ABRAXAS1: variants seen among roughly 807,000 people sequenced by gnomAD.
The protein encoded by ABRAXAS1 is abraxas 1, BRCA1 A complex subunit, also known as BRCA1-A complex subunit Abraxas 1.
Under a neutral mutation model 38.4 loss-of-function variants are expected in ABRAXAS1, and 26 were observed. The observed-to-expected ratio is 0.68, with a 90% CI of 0.50 to 0.94. The LOEUF is 0.94. Ranked by LOEUF, ABRAXAS1 falls within the 40% of genes least tolerant of loss-of-function variation. ABRAXAS1 has a pLI of 0.00. For synonymous variants in ABRAXAS1, 144 were observed against 165.5 expected (o/e 0.87, Z 1.00); for missense variants, 438 against 481.9 (o/e 0.91, Z 0.85).
chr4:83,463,701 T>C, intron 7 of ABRAXAS1, 93 bp from the exon 8 acceptor site: 1 of 598,026 alleles, frequency 1.7e-6, no homozygotes, highest in Non-Finnish European at 2.7e-6. Context: ...TCATTGGTGG[T>C]ATATAATACC....
At chr4:83,471,222 TTGAG>T (rs1722580403) in intron 4 of ABRAXAS1, among the ~76,000 whole-genome samples, 2 of 98,552 alleles carry the variant, frequency 2.0e-5, no homozygotes, top group African/African-American at 1.0e-4. Context: ...TTTTTTTTTT[TTGAG>T]ACAGTCTGGC....
intron 7 of ABRAXAS1, among the ~76,000 whole-genome samples, chr4:83,465,296 T>C (rs1722306456): frequency 2.0e-5 from 1 of 49,364 alleles, no homozygotes; most frequent in South Asian, 1.1e-3. Flanking sequence ...TGAGACTCTG[T>C]CTCAAAAAAA....
chr4:83,461,258 C>T lies in ABRAXAS1; in HGVS notation c.*1211G>A. 2.1e-6 allele frequency: 3 copies of T among 1,414,838 alleles called. No individual in the cohort carries two copies. The highest frequency in any genetic ancestry group is 2.3e-5 in the South Asian group (2 of 86,204). The allele number at this position is 1,414,838 out of a possible 1,614,324, so 87.6% of individuals were successfully genotyped here. ...AGTAAGTGGTTGTATGATGCCAATA[C>T]TGACTCAAACCAACCTTTGGATAGA... is the stretch of plus-strand genomic sequence containing the variant. On this transcript the variant is annotated 3_prime_UTR_variant, in exon 9 of 9. Transcript: ENST00000321945.
chr4:83,471,965 G>C (rs1202130550), intron 4 of ABRAXAS1, among the ~76,000 whole-genome samples: 1 of 152,184 alleles, frequency 6.6e-6, no homozygotes, highest in African/African-American at 2.4e-5. Context: ...AAGAGGTGTG[G>C]TGGAAATATA....
intron 2 of ABRAXAS1, among the ~76,000 whole-genome samples, chr4:83,477,281 G>A (rs1195615963): frequency 1.3e-5 from 2 of 151,958 alleles, no homozygotes; most frequent in Admixed American, 6.6e-5. Context: ...TACTTTGGGC[G>A]GCACGCTAAT....
At chr4:83,477,134 A>G (rs1240410486) in intron 2 of ABRAXAS1, among the ~76,000 whole-genome samples, 6 of 152,226 alleles carry the variant, frequency 3.9e-5, no homozygotes, top group Non-Finnish European at 7.3e-5. Context: ...CTTGGATTTT[A>G]CGTGTTTAAA....
chr4:83,482,310 A>T, intron 1 of ABRAXAS1, 66 bp from the exon 2 acceptor site: 1 of 990,048 alleles, frequency 1.0e-6, no homozygotes, highest in South Asian at 1.4e-5. Context: ...AACTAACCGT[A>T]TTTCCTGAGT....
Position 83,459,743 on chromosome 4 carries a change from T to C in ABRAXAS1, c.*2726A>G, listed in dbSNP as rs375055955. ...TCCACATAAAACTCCAAAACAGCTT[T>C]TGTCCCAGTTTGTTTCTCCATTTAC... On this transcript the variant is annotated 3_prime_UTR_variant, in exon 9 of 9. Transcript: ENST00000321945. 3 of 1,609,864 alleles carry C rather than the reference T, an allele frequency of 1.9e-6. No individual in the cohort carries two copies. The highest frequency in any genetic ancestry group is 2.7e-5 in the African/African-American group (2 of 74,860).
At chr4:83,467,832 GA>G (rs1280438014) in intron 6 of ABRAXAS1, among the ~76,000 whole-genome samples, 2 of 151,722 alleles carry the variant, frequency 1.3e-5, no homozygotes, top group African/African-American at 2.4e-5. Context: ...TTGAAGGAAG[GA>G]AAAAAAGTCT....
intron 5 of ABRAXAS1, 68 bp from the exon 6 acceptor site, chr4:83,469,219 T>A (rs1298725166): frequency 7.3e-7 from 1 of 1,364,658 alleles, no homozygotes; most frequent in East Asian, 2.3e-5. Context: ...CCTGCTGGAA[T>A]AGATTACTTG....
chr4:83,472,151 T>C (rs1174836053), intron 4 of ABRAXAS1, 71 bp downstream of exon 4: 22 of 915,920 alleles, frequency 2.4e-5, no homozygotes, highest in Non-Finnish European at 3.6e-5. Context: ...TCTGTCAAAG[T>C]ACTGTGTGTT....
intron 7 of ABRAXAS1, among the ~76,000 whole-genome samples, chr4:83,465,691 A>T (rs1722328300): frequency 6.6e-6 from 1 of 152,114 alleles, no homozygotes; most frequent in African/African-American, 2.4e-5. Context: ...TGGAGGCTGA[A>T]AGAGGAGGAT....
At chr4:83,465,113 T>C (rs1243975689) in intron 7 of ABRAXAS1, among the ~76,000 whole-genome samples, 1 of 151,808 alleles carries the variant, frequency 6.6e-6, no homozygotes, top group African/African-American at 2.4e-5. Flanking sequence ...CTGGCCAACA[T>C]GGCGAAACCC....
At chr4:83,483,548 G>A (rs950756854) in intron 1 of ABRAXAS1, among the ~76,000 whole-genome samples, 15 of 152,166 alleles carry the variant, frequency 9.9e-5, no homozygotes, top group African/African-American at 3.4e-4. Context: ...GTCCCAAAGT[G>A]CTGTGATTAC....
At chr4:83,475,116 A>C (rs1297555138) in intron 3 of ABRAXAS1, among the ~76,000 whole-genome samples, 1 of 152,196 alleles carries the variant, frequency 6.6e-6, no homozygotes, top group Non-Finnish European at 1.5e-5. Context: ...TAGTCTAATT[A>C]TTAATGTGGT....
chr4:83,462,151 C>T lies in ABRAXAS1; in HGVS notation c.*318G>A, dbSNP rs1162118063. 2 of 278,988 alleles carry T rather than the reference C, an allele frequency of 7.2e-6. No individual in the cohort carries two copies. The highest frequency in any genetic ancestry group is 1.3e-5 in the Non-Finnish European group (2 of 149,112). The allele number at this position is 278,988 out of a possible 1,614,324, so 17.3% of individuals were successfully genotyped here. ...CAATCAATCCTCCTGACTTGTCTTC[C>T]CTAAGTGCTGGGATTACAGGTGTGA... On this transcript the variant is annotated 3_prime_UTR_variant, in exon 9 of 9. Coordinates refer to ENST00000321945, the MANE Select transcript of ABRAXAS1 (RefSeq NM_139076.3).
chr4:83,464,233 C>T (rs766204686), intron 7 of ABRAXAS1, among the ~76,000 whole-genome samples: 16 of 152,082 alleles, frequency 1.1e-4, no homozygotes, highest in African/African-American at 1.7e-4. Flanking sequence ...AATACAGATG[C>T]AGAGTTACTG....
intron 8 of ABRAXAS1, 114 bp downstream of exon 8, chr4:83,463,380 C>G: frequency 1.6e-6 from 1 of 634,956 alleles, no homozygotes; most frequent in Non-Finnish European, 2.5e-6. Flanking sequence ...TTGCAGTAAG[C>G]TGAGATCACA....
At chr4:83,472,956 T>C (rs548564463) in intron 3 of ABRAXAS1, among the ~76,000 whole-genome samples, 63 of 152,302 alleles carry the variant, frequency 4.1e-4, no homozygotes, top group African/African-American at 1.5e-3. Context: ...TTTTCTATGA[T>C]GGTTAAATAT....
Sources: allele counts gnomAD v4.1 joint callset (sites outside exome capture counted in the v4.1 genomes callset), GRCh38; gene constraint gnomAD v4.1.1; transcripts MANE v1.5; gene names NCBI Gene and HGNC (gene_info 2026-07-23, HGNC 2026-07-21).